The following ROBO2 variants were observed in gnomAD, a reference collection of about 807,000 sequenced individuals.
The protein encoded by ROBO2 is roundabout homolog 2.
Under a neutral mutation model 160.8 loss-of-function variants are expected in ROBO2, and 53 were observed. The observed-to-expected ratio is 0.33, with a 90% CI of 0.26 to 0.41. The LOEUF is 0.41. ROBO2 is among the 10% of genes least tolerant of loss of function. The pLI is 1.00. For synonymous variants in ROBO2, 664 were observed against 611.7 expected (o/e 1.09, Z -1.26); for missense variants, 1,577 against 1,722.4 (o/e 0.92, Z 1.49).
At chr3:77,495,583 G>C (rs948330604) in intron 5 of ROBO2, among the ~76,000 whole-genome samples, 2 of 152,110 alleles carry the variant, frequency 1.3e-5, no homozygotes, top group Non-Finnish European at 2.9e-5. Flanking sequence ...AGTTTTTCTA[G>C]TTTTGTGACC....
chr3:76,423,838 T>A, intron 2 of ROBO2, among the ~76,000 whole-genome samples: 1 of 152,072 alleles, frequency 6.6e-6, no homozygotes, highest in East Asian at 1.9e-4. Context: ...ATAAAAACGA[T>A]CATTGTGAGC....
chr3:75,929,809 C>G (rs548813890), intron 1 of ROBO2, among the ~76,000 whole-genome samples: 1 of 152,106 alleles, frequency 6.6e-6, no homozygotes, highest in South Asian at 2.1e-4. Context: ...ATTCTCCTGC[C>G]TCAGCCTCCT....
At chr3:76,920,473 C>A (rs1045658710) in intron 2 of ROBO2, among the ~76,000 whole-genome samples, 1 of 152,114 alleles carries the variant, frequency 6.6e-6, no homozygotes, top group Admixed American at 6.5e-5. Context: ...TCACCTTTTC[C>A]TAGTCTGAAT....
intron 2 of ROBO2, among the ~76,000 whole-genome samples, chr3:76,085,596 C>A (rs904129816): frequency 1.3e-5 from 2 of 152,078 alleles, no homozygotes; most frequent in African/African-American, 4.8e-5. Flanking sequence ...ACTAACAGTT[C>A]TTTTTAGATC....
chr3:77,245,000 A>G (rs1031604430), intron 2 of ROBO2, among the ~76,000 whole-genome samples: 65 of 151,084 alleles, frequency 4.3e-4, no homozygotes, highest in African/African-American at 1.4e-3. Context: ...AATTTTATTC[A>G]GATTTTGCTC....
intron 2 of ROBO2, among the ~76,000 whole-genome samples, chr3:77,003,948 T>C (rs1578187656): frequency 6.6e-6 from 1 of 152,200 alleles, no homozygotes; most frequent in Non-Finnish European, 1.5e-5. Flanking sequence ...GATGCTCTAA[T>C]AGAGGCATTT....
intron 2 of ROBO2, among the ~76,000 whole-genome samples, chr3:76,072,681 G>T (rs959378431): frequency 1.1e-4 from 17 of 152,034 alleles, no homozygotes; most frequent in Non-Finnish European, 2.4e-4. Flanking sequence ...TCTTTAAAGT[G>T]CAACAATTTA....
At chr3:77,623,120 A>T (rs1559749913) in intron 23 of ROBO2, among the ~76,000 whole-genome samples, 1 of 152,160 alleles carries the variant, frequency 6.6e-6, no homozygotes, top group Non-Finnish European at 1.5e-5. Flanking sequence ...AAATGTACCA[A>T]TTTTTTTAAA....
At chr3:76,425,751 C>A (rs552540790) in intron 2 of ROBO2, among the ~76,000 whole-genome samples, 32 of 151,930 alleles carry the variant, frequency 2.1e-4, no homozygotes, top group African/African-American at 7.7e-4. Context: ...TGCCTATAAC[C>A]CCCGAGAAAT....
At chr3:76,067,345 T>C (rs1004924749) in intron 2 of ROBO2, among the ~76,000 whole-genome samples, 7 of 152,200 alleles carry the variant, frequency 4.6e-5, no homozygotes, top group African/African-American at 1.7e-4. Context: ...AGCTATTGTG[T>C]ATACTAGTAA....
intron 2 of ROBO2, among the ~76,000 whole-genome samples, chr3:76,217,941 A>G (rs559930114): frequency 1.3e-5 from 2 of 152,150 alleles, no homozygotes; most frequent in Non-Finnish European, 2.9e-5. Flanking sequence ...GAATCCAGCA[A>G]CACATCAAAA....
intron 2 of ROBO2, among the ~76,000 whole-genome samples, chr3:76,360,426 A>G (rs1255928385): frequency 6.6e-6 from 1 of 152,114 alleles, no homozygotes; most frequent in Middle Eastern, 3.2e-3. Flanking sequence ...AAATTTATGT[A>G]AAGTATTTGA....
intron 2 of ROBO2, among the ~76,000 whole-genome samples, chr3:76,498,582 A>G (rs1047491222): frequency 2.6e-5 from 4 of 151,778 alleles, no homozygotes. Flanking sequence ...ATTTTTGTCA[A>G]TTTAAAAATT....
At chr3:75,929,705 T>A (rs932585204) in intron 1 of ROBO2, among the ~76,000 whole-genome samples, 2 of 152,108 alleles carry the variant, frequency 1.3e-5, no homozygotes, top group Non-Finnish European at 2.9e-5. Context: ...TCTTGTCTTT[T>A]TTTTTTTGAG....
chr3:77,327,199 T>C (rs1384181744), intron 2 of ROBO2, among the ~76,000 whole-genome samples: 1 of 152,206 alleles, frequency 6.6e-6, no homozygotes, highest in Non-Finnish European at 1.5e-5. Flanking sequence ...ATATACCTTA[T>C]GTAACTAGTA....
intron 2 of ROBO2, among the ~76,000 whole-genome samples, chr3:77,020,574 C>T (rs1258153999): frequency 6.6e-6 from 1 of 152,032 alleles, no homozygotes; most frequent in African/African-American, 2.4e-5. Flanking sequence ...CTGGAAGTGA[C>T]CTAAATGTCC....
chr3:76,580,961 C>G (rs1037579404), intron 2 of ROBO2, among the ~76,000 whole-genome samples: 1 of 152,106 alleles, frequency 6.6e-6, no homozygotes, highest in Admixed American at 6.6e-5. Flanking sequence ...AATAGCAGAA[C>G]AGTAGTTCTG....
intron 2 of ROBO2, among the ~76,000 whole-genome samples, chr3:75,972,724 T>C (rs2065030984): frequency 6.6e-6 from 1 of 151,640 alleles, no homozygotes; most frequent in African/African-American, 2.4e-5. Context: ...CCTAGATCTA[T>C]TGAATCAGAA....
chr3:77,003,968 A>G (rs9869594), intron 2 of ROBO2, among the ~76,000 whole-genome samples: 54,333 of 152,028 alleles, frequency 0.36, 10,542 homozygotes, highest in East Asian at 0.65. Context: ...TATTATGAAC[A>G]TGGCAGTCTC....
Sources: allele counts gnomAD v4.1 joint callset (sites outside exome capture counted in the v4.1 genomes callset), GRCh38; gene constraint gnomAD v4.1.1; transcripts MANE v1.5; gene names NCBI Gene and HGNC (gene_info 2026-07-23, HGNC 2026-07-21).